The following PLOD2 variants were observed in gnomAD, a reference collection of about 807,000 sequenced individuals.
PLOD2 encodes procollagen-lysine,2-oxoglutarate 5-dioxygenase 2, also known as lysine hydroxylase 2.
Under a neutral mutation model 101.0 loss-of-function variants are expected in PLOD2, and 65 were observed. The observed-to-expected ratio is 0.64, with a 90% CI of 0.53 to 0.79. The LOEUF (loss-of-function observed/expected upper bound fraction) is 0.79, where lower values mean the gene tolerates loss of function less well. Among genes scored for constraint, PLOD2 ranks in the 30% least tolerant of loss-of-function variants. The pLI is 0.00. For missense variants in PLOD2, 909 were observed against 914.6 expected (o/e 0.99, Z 0.08); for synonymous variants, 314 against 302.9 (o/e 1.04, Z -0.38).
At position 146,076,805 on chromosome 3, in the gene PLOD2, A is replaced by G; in HGVS notation, c.1654T>C (p.Trp552Arg). Residue 552 changes from tryptophan (W) to arginine (R), a missense_variant, in exon 15 of 20, where the codon TGG (tryptophan) becomes CGG (arginine). By Grantham distance (101) the Trp-to-Arg change is moderately radical (BLOSUM62 -3). Transcript: ENST00000282903. ...ACCACAGGATTTTCAAAAATCTGCC[A>G]GAGGTCATTGTTATAATGGGAAGTA... ...YNTSHYNNDL[W>R]QIFENPVDWK... is the part of the protein sequence containing the mutation. 2 of 1,557,974 alleles carry G rather than the reference A, an allele frequency of 1.3e-6. No individual in the cohort carries two copies. Among genetic ancestry groups the G allele is most frequent in the South Asian group, 1.1e-5 (1 of 89,390 alleles).
chr3:146,127,890 G>C (rs1576616155), intron 1 of PLOD2, among the ~76,000 whole-genome samples: 1 of 152,164 alleles, frequency 6.6e-6, no homozygotes, highest in Non-Finnish European at 1.5e-5. Flanking sequence ...GCAAAGAAAA[G>C]GGAACACTTA....
chr3:146,155,663 C>T (rs1376097482), intron 1 of PLOD2, among the ~76,000 whole-genome samples: 17 of 146,026 alleles, frequency 1.2e-4, no homozygotes, highest in East Asian at 4.0e-4. Flanking sequence ...TGCAGTGAGC[C>T]GAGATCACGC....
chr3:146,115,402 T>C (rs1200824695), intron 3 of PLOD2, among the ~76,000 whole-genome samples: 4 of 152,132 alleles, frequency 2.6e-5, no homozygotes, highest in Non-Finnish European at 5.9e-5. Context: ...ATTTTCTAAG[T>C]GTTTTTCCTT....
intron 1 of PLOD2, among the ~76,000 whole-genome samples, chr3:146,132,182 C>G (rs1004899611): frequency 6.6e-6 from 1 of 152,138 alleles, no homozygotes; most frequent in African/African-American, 2.4e-5. Flanking sequence ...TGCAGAATGA[C>G]TCACCATCCC....
At chr3:146,078,646 G>A (rs145512073) in intron 13 of PLOD2, among the ~76,000 whole-genome samples, 2 of 151,734 alleles carry the variant, frequency 1.3e-5, no homozygotes, top group South Asian at 4.2e-4. Context: ...TAATAATCCT[G>A]CTTTCTAAGA....
intron 1 of PLOD2, among the ~76,000 whole-genome samples, chr3:146,126,623 G>C (rs895929): frequency 0.52 from 78,369 of 151,856 alleles, 20,324 homozygotes; most frequent in East Asian, 0.56. Flanking sequence ...GCAAAAGACA[G>C]AAAAGGGAAG....
chr3:146,092,307 G>A lies in PLOD2; in HGVS notation c.778-406C>T, dbSNP rs150220852. Among the ~76,000 whole-genome samples, 411 of 152,112 alleles carry A rather than the reference G, an allele frequency of 2.7e-3. 2 individuals are homozygous for A. The highest frequency in any genetic ancestry group is 9.5e-3 in the African/African-American group (393 of 41,536). Reference sequence around the variant, plus strand: ...TAAGATAAACCTGTTTAAAGGCTGAGCACAGACACCTACAGTAAATGGGGC... The same window carrying A: ...TAAGATAAACCTGTTTAAAGGCTGAACACAGACACCTACAGTAAATGGGGC... On this transcript the variant is annotated intron_variant, in intron 7 of 19. Coordinates refer to ENST00000282903, the MANE Select transcript of PLOD2 (RefSeq NM_182943.3).
intron 8 of PLOD2, among the ~76,000 whole-genome samples, chr3:146,089,701 C>A (rs1005215895): frequency 6.6e-6 from 1 of 151,562 alleles, no homozygotes; most frequent in African/African-American, 2.4e-5. Context: ...CATATTTCTT[C>A]ATCTATTCAT....
chr3:146,077,085 C>T, intron 14 of PLOD2, 190 bp from the exon 15 acceptor site: 1 of 1,272,700 alleles, frequency 7.9e-7, no homozygotes, highest in Non-Finnish European at 9.9e-7. Flanking sequence ...AATTCAGACA[C>T]CACACAAAAC....
At chr3:146,088,247 A>G (rs951784985) in intron 9 of PLOD2, among the ~76,000 whole-genome samples, 7 of 151,678 alleles carry the variant, frequency 4.6e-5, no homozygotes, top group Non-Finnish European at 8.9e-5. Context: ...TTAATGACCA[A>G]TTCTATAGAA....
chr3:146,111,094 T>C (rs150344449), intron 3 of PLOD2, among the ~76,000 whole-genome samples: 2 of 152,324 alleles, frequency 1.3e-5, no homozygotes, highest in African/African-American at 4.8e-5. Context: ...TTTCATTGAT[T>C]TTTCTGATGA....
intron 8 of PLOD2, among the ~76,000 whole-genome samples, 157 bp downstream of exon 8, chr3:146,091,643 A>C (rs1936971151): frequency 6.6e-6 from 1 of 151,978 alleles, no homozygotes; most frequent in Admixed American, 6.6e-5. Context: ...ACACAAATCT[A>C]GCAAATGGCT....
intron 1 of PLOD2, among the ~76,000 whole-genome samples, chr3:146,141,616 G>A (rs973922266): frequency 2.6e-5 from 4 of 152,062 alleles, no homozygotes; most frequent in African/African-American, 9.7e-5. Context: ...AATGGTAAAC[G>A]AAGTAAATGC....
intron 9 of PLOD2, among the ~76,000 whole-genome samples, chr3:146,087,931 TAAAC>T (rs1936839724): frequency 1.3e-5 from 2 of 151,754 alleles, no homozygotes; most frequent in Admixed American, 6.6e-5. Context: ...GGAACAATGG[TAAAC>T]AAACAGTATT....
At chr3:146,087,754 C>T (rs1188571737) in intron 9 of PLOD2, among the ~76,000 whole-genome samples, 1 of 151,742 alleles carries the variant, frequency 6.6e-6, no homozygotes. Flanking sequence ...AAACAAAAGA[C>T]AATACATAAA....
chr3:146,080,009 C>A lies in PLOD2; in HGVS notation c.1359-752G>T, dbSNP rs1485836460. On this transcript the variant is annotated intron_variant, in intron 12 of 19. Transcript: ENST00000282903. ...CATAAAAACTGCAAAACAAGTTTTG[C>A]CCCTAAGACTGTGCGCCTTTCTTTT... Among the ~76,000 whole-genome samples, 4 of 152,056 alleles carry A rather than the reference C, an allele frequency of 2.6e-5. No homozygotes were observed. The East Asian group carries it at 7.7e-4, about 29-fold the overall frequency.
chr3:146,112,849 CAA>C (rs201790733), intron 3 of PLOD2, among the ~76,000 whole-genome samples: 120 of 92,110 alleles, frequency 1.3e-3, no homozygotes, highest in Non-Finnish European at 1.8e-3. Flanking sequence ...GACTTGGTCT[CAA>C]AAAAAAAAAA....
intron 7 of PLOD2, among the ~76,000 whole-genome samples, chr3:146,095,395 C>A (rs1226054147): frequency 6.6e-6 from 1 of 150,432 alleles, no homozygotes; most frequent in African/African-American, 2.4e-5. Context: ...AAAAAGTGGT[C>A]GAAGGATATG....
At chr3:146,096,891 A>AGGG (rs1203412498) in intron 7 of PLOD2, among the ~76,000 whole-genome samples, 4 of 74,546 alleles carry the variant, frequency 5.4e-5, no homozygotes, top group African/African-American at 2.0e-4. Context: ...GGGGGGGGGG[A>AGGG]GTCGGCCAGC....
Sources: gnomAD v4.1 joint callset for allele counts (sites outside exome capture counted in the v4.1 genomes callset) on GRCh38, gnomAD v4.1.1 for gene constraint, MANE v1.5 for transcripts, NCBI Gene and HGNC (gene_info 2026-07-23, HGNC 2026-07-21) for gene names.